Variants in CEP192 observed in about 807,000 individuals in gnomAD.
The protein encoded by CEP192 is centrosomal protein 192.
A neutral mutation model predicts 271.8 loss-of-function variants in CEP192; 151 were observed. The ratio of observed to expected loss-of-function variants is 0.56; its 90% confidence interval spans 0.49 to 0.64. The LOEUF (loss-of-function observed/expected upper bound fraction) is 0.64, where lower values mean the gene tolerates loss of function less well. Ranked by LOEUF, CEP192 falls within the 30% of genes least tolerant of loss-of-function variation. The pLI is 0.00. For synonymous variants in CEP192, 995 were observed against 1,076.5 expected, an observed-to-expected ratio of 0.92 and a Z score of 1.48; for missense variants, 2,910 against 3,020.5, an observed-to-expected ratio of 0.96 and a Z score of 0.86.
intron 8 of CEP192, 52 bp downstream of exon 8, chr18:13,018,667 CTT>C (rs148297078): frequency 1.6e-6 from 2 of 1,245,110 alleles, no homozygotes; most frequent in South Asian, 1.8e-5. Flanking sequence ...TTTGACTTTA[CTT>C]TTTTTAAAAA....
At chr18:13,072,028 T>C (rs1337645536) in intron 28 of CEP192, among the ~76,000 whole-genome samples, 1 of 152,172 alleles carries the variant, frequency 6.6e-6, no homozygotes, top group African/African-American at 2.4e-5. Context: ...TCTTCCCCAG[T>C]CATTGTACCT....
Position 13,124,677 on chromosome 18 carries a change from C to T in CEP192, c.7521C>T (p.Ser2507=), listed in dbSNP as rs771484729. The change falls in exon 45 of 45, where the codon TCC becomes TCT. Residue 2507 remains serine (S), a synonymous_variant. Coordinates refer to ENST00000506447, the MANE Select transcript of CEP192 (RefSeq NM_032142.4). ...INMPVQFKPK[S]AGKFEALLVI... Reference sequence around the variant, plus strand: ...TGCCCGTGCAGTTCAAACCGAAGTCCGCAGGCAAATTTGAAGCTTTGCTTG... The same window carrying T: ...TGCCCGTGCAGTTCAAACCGAAGTCTGCAGGCAAATTTGAAGCTTTGCTTG... 17 of 1,613,988 alleles carry T rather than the reference C, an allele frequency of 1.1e-5. No individual in the cohort carries two copies. Among genetic ancestry groups the T allele is most frequent in the East Asian group, 2.2e-5 (1 of 44,864 alleles).
intron 1 of CEP192, among the ~76,000 whole-genome samples, chr18:12,997,488 G>T (rs1168038607): frequency 6.6e-6 from 1 of 152,110 alleles, no homozygotes; most frequent in East Asian, 1.9e-4. Flanking sequence ...GTGTTTTATG[G>T]CTTGAGTTTA....
Position 13,087,658 on chromosome 18 carries a change from A to G in CEP192, c.5993+12A>G. 5 of 1,329,526 alleles carry G rather than the reference A, an allele frequency of 3.8e-6. No individual in the cohort carries two copies. In the Admixed American group the frequency reaches 1.1e-4, roughly 29 times the overall value. 82.4% of individuals were successfully genotyped at this position (1,329,526 alleles called of 1,614,324 possible). ...CAGCAGTATCGCAGGTAGATTACTT[A>G]TCTTACACAATGTTGGGAACCATTC... On this transcript the variant is annotated intron_variant, in intron 32 of 44. Transcript: ENST00000506447.
At chr18:13,116,566 A>C in intron 43 of CEP192, 63 bp downstream of exon 43, 1 of 1,419,386 alleles carries the variant, frequency 7.0e-7, no homozygotes, top group Non-Finnish European at 9.6e-7. Context: ...GATAACAAAC[A>C]TTTTCCTGAT....
rs1023794431 is a variant in CEP192, at chr18:13,073,272, C to T, written c.5616+87C>T. 1.5e-5 allele frequency: 17 copies of T among 1,159,960 alleles called. No individual in the cohort carries two copies. The African/African-American group carries it at 2.2e-4, about 15-fold the overall frequency. 71.9% of individuals were successfully genotyped at this position (1,159,960 alleles called of 1,614,324 possible). Reference sequence around the variant, plus strand: ...TTAATGTTGTAAATTATACAGTCTGCCTTTTATAAGTGAAACTATGTAATT... The same window carrying T: ...TTAATGTTGTAAATTATACAGTCTGTCTTTTATAAGTGAAACTATGTAATT... On this transcript the variant is annotated intron_variant, in intron 30 of 44. Coordinates refer to ENST00000506447, the MANE Select transcript of CEP192 (RefSeq NM_032142.4).
At chr18:13,114,681 G>C (rs1000449147) in intron 42 of CEP192, among the ~76,000 whole-genome samples, 1 of 151,898 alleles carries the variant, frequency 6.6e-6, no homozygotes, top group African/African-American at 2.4e-5. Flanking sequence ...TATTAATTAA[G>C]GTGCTATGAA....
intron 9 of CEP192, among the ~76,000 whole-genome samples, chr18:13,025,326 C>T (rs2035232189): frequency 6.6e-6 from 1 of 152,162 alleles, no homozygotes; most frequent in South Asian, 2.1e-4. Context: ...AAGCGATCCT[C>T]CTGCCTCAGC....
At position 13,124,717 on chromosome 18, in the gene CEP192, G is replaced by A. The variant is rs143126150; in HGVS notation, c.7561G>A (p.Glu2521Lys). The change falls in exon 45 of 45, where the codon GAA becomes AAA. Residue 2521 changes from glutamate to lysine, a missense_variant. Physicochemically the swap from Glu to Lys is moderately conservative, Grantham distance 56. Coordinates refer to ENST00000506447, the MANE Select transcript of CEP192 (RefSeq NM_032142.4). ...AGCTTTGCTTGTCATTCAAACAGAT[G>A]AAGGCAAGAGTATTGCTATTCGACT... Reference protein sequence around the residue: ...FEALLVIQTDEGKSIAIRLIG... With the variant: ...FEALLVIQTDKGKSIAIRLIG... The A allele has an allele frequency of 1.1e-5, 17 of 1,613,830 alleles. No individual in the cohort carries two copies. In the African/African-American group the frequency reaches 2.1e-4, roughly 20 times the overall value.
chr18:12,998,597 C>T (rs577551406), intron 1 of CEP192, among the ~76,000 whole-genome samples: 2 of 152,254 alleles, frequency 1.3e-5, no homozygotes, highest in East Asian at 3.9e-4. Flanking sequence ...GTTTATCATC[C>T]TAAATAAACT....
chr18:13,059,939 A>G (rs924102878), intron 21 of CEP192, among the ~76,000 whole-genome samples: 10 of 152,242 alleles, frequency 6.6e-5, no homozygotes, highest in Admixed American at 2.0e-4. Flanking sequence ...CCACTGCTTT[A>G]CAAGAGCTAT....
At chr18:13,019,239 A>G (rs2034842680) in intron 9 of CEP192, 33 bp downstream of exon 9, 2 of 1,468,016 alleles carry the variant, frequency 1.4e-6, no homozygotes, top group African/African-American at 1.5e-5. Context: ...ATTTCCTATA[A>G]AAAAAGGAAT....
At chr18:13,035,009 G>A (rs1161265951) in intron 11 of CEP192, among the ~76,000 whole-genome samples, 1 of 152,106 alleles carries the variant, frequency 6.6e-6, no homozygotes, top group East Asian at 1.9e-4. Flanking sequence ...CAAGAGGATT[G>A]TTGTTTTAGG....
In CEP192 at chr18:13,037,208, A is replaced by T. The variant is rs1462970366; in HGVS notation, c.1535-29A>T. On this transcript the variant is annotated intron_variant, in intron 11 of 44. Transcript: ENST00000506447. ...TAGTGTTTGTTTAGGCATTAGTGTAATGTATTTATATAAACATTCTTTTTT... is the reference window on the plus strand; with the variant it reads ...TAGTGTTTGTTTAGGCATTAGTGTATTGTATTTATATAAACATTCTTTTTT... 4.4e-6 allele frequency: 4 copies of T among 910,996 alleles called. No homozygotes were observed. The African/African-American group carries it at 6.6e-5, about 15-fold the overall frequency. 56.4% of individuals were successfully genotyped at this position (910,996 alleles called of 1,614,324 possible). A position where few individuals can be genotyped will look rare whatever the true frequency, so the allele number is the denominator to read the frequency against.
chr18:13,121,103 T>C (rs2040637028), intron 44 of CEP192, among the ~76,000 whole-genome samples: 1 of 152,234 alleles, frequency 6.6e-6, no homozygotes, highest in Non-Finnish European at 1.5e-5. Flanking sequence ...CACGAGACAC[T>C]GTGACTTTAG....
At chr18:13,118,951 C>CCCAA (rs1225781122) in intron 44 of CEP192, among the ~76,000 whole-genome samples, 2 of 152,158 alleles carry the variant, frequency 1.3e-5, no homozygotes, top group Non-Finnish European at 2.9e-5. Context: ...AAGAGAAAGG[C>CCCAA]CCAAGTTTAA....
chr18:13,053,058 A>G lies in CEP192; in HGVS notation c.3157A>G (p.Thr1053Ala), dbSNP rs10048340. 2,372 of 1,612,714 alleles carry G rather than the reference A, an allele frequency of 1.5e-3. 43 individuals are homozygous for G. The African/African-American group carries it at 0.028, about 19-fold the overall frequency. Residue 1053 changes from threonine to alanine, a missense_variant, in exon 18 of 45, where the codon ACA (threonine) becomes GCA (alanine). Physicochemically the swap from Thr to Ala is moderately conservative, Grantham distance 58. Coordinates refer to ENST00000506447, the MANE Select transcript of CEP192 (RefSeq NM_032142.4). ...VSEPESSYPT[T>A]ATDDALEDRK... ...TGAACCAGAGAGCTCCTATCCTACC[A>G]CAGCCACAGATGATGCCCTGGAGGA...
chr18:13,084,345 C>T (rs188955638), intron 30 of CEP192, among the ~76,000 whole-genome samples: 6 of 152,188 alleles, frequency 3.9e-5, no homozygotes, highest in African/African-American at 1.4e-4. Flanking sequence ...TGCCCCTCCC[C>T]CCGTCAGGCT....
At chr18:13,004,533 G>A (rs2033860572) in intron 3 of CEP192, among the ~76,000 whole-genome samples, 2 of 152,152 alleles carry the variant, frequency 1.3e-5, no homozygotes, top group Non-Finnish European at 2.9e-5. Flanking sequence ...GTGGGTGCAT[G>A]TAGTGGTAAG....
Sources: allele counts gnomAD v4.1 joint callset (sites outside exome capture counted in the v4.1 genomes callset), GRCh38; gene constraint gnomAD v4.1.1; transcripts MANE v1.5; gene names NCBI Gene and HGNC (gene_info 2026-07-23, HGNC 2026-07-21).